Variants in SUN1 observed in about 807,000 individuals in gnomAD.
SUN1 encodes SUN domain-containing protein 1.
A neutral mutation model predicts 103.2 loss-of-function variants in SUN1; 61 were observed. The observed-to-expected ratio is 0.59, with a 90% CI of 0.48 to 0.73. SUN1 has a LOEUF of 0.73. Ranked by LOEUF, SUN1 falls within the 30% of genes least tolerant of loss-of-function variation. The pLI is 0.00. For missense variants in SUN1, 1,052 were observed against 1,034.6 expected, an observed-to-expected ratio of 1.02 and a Z score of -0.23; for synonymous variants, 490 against 425.7, an observed-to-expected ratio of 1.15 and a Z score of -1.86.
intron 16 of SUN1, among the ~76,000 whole-genome samples, chr7:866,595 C>T (rs929815433): frequency 6.1e-5 from 8 of 130,356 alleles, no homozygotes; most frequent in Non-Finnish European, 1.0e-4. Flanking sequence ...ACCATCTCCC[C>T]GGGCCTTCGC....
chr7:828,758 G>T (rs1379366953), upstream of SUN1, among the ~76,000 whole-genome samples: 1 of 152,214 alleles, frequency 6.6e-6, no homozygotes, highest in Non-Finnish European at 1.5e-5. Context: ...CTCCTGAGGT[G>T]TGTGCTTCTC....
Position 867,306 on chromosome 7 carries a change from C to T in SUN1, c.1980+1239C>T, listed in dbSNP as rs566427731. 5.2e-5 allele frequency among the ~76,000 whole-genome samples: 8 copies of T among 152,390 alleles called. No individual in the cohort carries two copies. In the East Asian group the frequency reaches 9.6e-4, roughly 18 times the overall value. ...GCCACACAGCCCTGCGCTTGGCATG[C>T]GGCTGCTTTTTCTGTGCCAGCTCAC... is the stretch of plus-strand genomic sequence containing the variant. On this transcript the variant is annotated intron_variant, in intron 16 of 18. Coordinates refer to ENST00000401592, the MANE Select transcript of SUN1 (RefSeq NM_001130965.3).
chr7:817,389 A>G (rs1781736255), intron 1 of SUN1: 5 of 1,534,112 alleles, frequency 3.3e-6, no homozygotes, highest in African/African-American at 2.7e-5. Context: ...TTGCGCCTTC[A>G]AAGTGCCCAG....
At chr7:869,730 C>T (rs1341048540) in intron 17 of SUN1, among the ~76,000 whole-genome samples, 1 of 152,178 alleles carries the variant, frequency 6.6e-6, no homozygotes, top group Admixed American at 6.5e-5. Flanking sequence ...TACAGTACTA[C>T]ACTGACCAAG....
intron 1 of SUN1, among the ~76,000 whole-genome samples, chr7:822,067 A>T (rs1033903223): frequency 6.6e-6 from 1 of 152,198 alleles, no homozygotes; most frequent in African/African-American, 2.4e-5. Context: ...TTATAGATAG[A>T]GGAGACCAGG....
chr7:823,643 C>T lies in SUN1; in HGVS notation c.-74+6970C>T, dbSNP rs575950157. 2.0e-5 allele frequency among the ~76,000 whole-genome samples: 3 copies of T among 152,260 alleles called. No homozygotes were observed. The East Asian group carries it at 5.8e-4, about 29-fold the overall frequency. On this transcript the variant is annotated intron_variant, in intron 1 of 17. Transcript: ENST00000389574. ...GTGTGCAGGCAGCCATGGGGGGAGT[C>T]TGTGCGAACAAGGTAGGCAGATTTC...
chr7:826,107 G>T (rs762918532), intron 1 of SUN1, among the ~76,000 whole-genome samples: 2 of 152,034 alleles, frequency 1.3e-5, no homozygotes, highest in African/African-American at 4.8e-5. Flanking sequence ...GTGCCGTGAC[G>T]CGCCCCTGTG....
intron 1 of SUN1, chr7:817,465 G>T (rs1234924095): frequency 1.3e-6 from 2 of 1,536,050 alleles, no homozygotes; most frequent in Non-Finnish European, 1.7e-6. Flanking sequence ...TCATGGGGAG[G>T]ATTTCTCCCG....
intron 15 of SUN1, among the ~76,000 whole-genome samples, chr7:865,742 A>G (rs1835974960): frequency 1.3e-5 from 2 of 152,208 alleles, no homozygotes; most frequent in African/African-American, 4.8e-5. Context: ...CATCCTCGCC[A>G]GCATTTGTTA....
intron 1 of SUN1, among the ~76,000 whole-genome samples, chr7:821,456 G>A (rs1399469810): frequency 1.3e-5 from 2 of 152,154 alleles, no homozygotes; most frequent in East Asian, 1.9e-4. Flanking sequence ...GCGTGAGCCC[G>A]GCCTGGTGAC....
intron 13 of SUN1, 30 bp from the exon 14 acceptor site, chr7:860,098 G>T: frequency 6.2e-7 from 1 of 1,609,740 alleles, no homozygotes. Flanking sequence ...GTTAAAATAG[G>T]ACATTTGTGT....
chr7:867,576 G>C (rs1003879341), intron 16 of SUN1, among the ~76,000 whole-genome samples: 4 of 152,326 alleles, frequency 2.6e-5, no homozygotes, highest in African/African-American at 9.6e-5. Context: ...AGAGGGTGGA[G>C]CTCAGCCCTC....
chr7:825,367 T>C (rs550350950), intron 1 of SUN1, among the ~76,000 whole-genome samples: 10 of 152,356 alleles, frequency 6.6e-5, no homozygotes, highest in South Asian at 2.1e-4. Context: ...TGGCCTATTA[T>C]GTTAATTTTA....
chr7:822,180 T>C (rs76719833), intron 1 of SUN1, among the ~76,000 whole-genome samples: 16,832 of 152,258 alleles, frequency 0.11, 1,153 homozygotes, highest in South Asian at 0.23. Flanking sequence ...TATAATACAC[T>C]GTTTATATAA....
upstream of SUN1, chr7:816,360 C>G (rs1024476333): frequency 4.8e-6 from 1 of 210,386 alleles, no homozygotes; most frequent in Non-Finnish European, 9.7e-6. Flanking sequence ...AATGCAGTCC[C>G]CCTCCTCCAG....
intron 5 of SUN1, among the ~76,000 whole-genome samples, chr7:845,907 G>A (rs372874522): frequency 6.6e-4 from 100 of 151,936 alleles, no homozygotes; most frequent in East Asian, 6.0e-3. Context: ...CCAGTGCTGC[G>A]TGGCTGTCCC....
intron 3 of SUN1, 131 bp downstream of exon 3, chr7:842,261 C>A: frequency 9.8e-7 from 1 of 1,018,058 alleles, no homozygotes; most frequent in Non-Finnish European, 1.4e-6. Flanking sequence ...AGGCTGTGGC[C>A]ACATTGTGGG....
chr7:843,176 A>ATG (rs201385879), intron 3 of SUN1, 30 bp from the exon 4 acceptor site: 216 of 1,576,972 alleles, frequency 1.4e-4, no homozygotes, highest in African/African-American at 2.0e-4. Context: ...AACAGCAAAA[A>ATG]TGTGTGTGTG....
At chr7:844,976 G>T (rs958848269) in intron 5 of SUN1, among the ~76,000 whole-genome samples, 3 of 152,202 alleles carry the variant, frequency 2.0e-5, no homozygotes, top group African/African-American at 7.2e-5. Context: ...CGTGTATTCA[G>T]TGTTTATTGA....
Sources: gnomAD v4.1 joint callset for allele counts (sites outside exome capture counted in the v4.1 genomes callset) on GRCh38, gnomAD v4.1.1 for gene constraint, MANE v1.5 for transcripts, NCBI Gene and HGNC (gene_info 2026-07-23, HGNC 2026-07-21) for gene names.